Variants in EPHA6 observed in about 807,000 individuals in gnomAD.
EPHA6 encodes the protein ephrin type-A receptor 6.
In EPHA6, 50 loss-of-function variants were observed where a neutral mutation model predicts 112.0. The ratio of observed to expected loss-of-function variants is 0.45; its 90% CI spans 0.36 to 0.56. The LOEUF is 0.56. EPHA6 is among the 20% of genes least tolerant of loss of function. EPHA6 has a pLI of 0.00. For missense variants in EPHA6, 1,280 were observed against 1,417.4 expected, an observed-to-expected ratio of 0.90 and a Z score of 1.56; for synonymous variants, 529 against 490.7, an observed-to-expected ratio of 1.08 and a Z score of -1.03.
At chr3:96,903,326 C>A (rs189823230) in intron 2 of EPHA6, among the ~76,000 whole-genome samples, 3 of 149,464 alleles carry the variant, frequency 2.0e-5, no homozygotes, top group Admixed American at 1.3e-4. Context: ...CATTCTCCTT[C>A]CCCTGCTCTG....
intron 14 of EPHA6, among the ~76,000 whole-genome samples, chr3:97,699,596 G>A (rs1171972000): frequency 6.6e-6 from 1 of 152,184 alleles, no homozygotes; most frequent in Non-Finnish European, 1.5e-5. Flanking sequence ...GTACTTTACT[G>A]CACCGTGTGG....
intron 5 of EPHA6, among the ~76,000 whole-genome samples, chr3:97,315,436 A>G (rs1270468278): frequency 6.6e-6 from 1 of 151,734 alleles, no homozygotes; most frequent in Admixed American, 6.6e-5. Context: ...ACTTTTAAAT[A>G]TCTTCACGGA....
At chr3:96,934,372 G>A (rs2040478946) in intron 2 of EPHA6, among the ~76,000 whole-genome samples, 2 of 151,058 alleles carry the variant, frequency 1.3e-5, no homozygotes, top group Non-Finnish European at 3.0e-5. Context: ...AAATATATTA[G>A]CACATTTGGT....
At chr3:97,525,240 A>G (rs188053140) in intron 10 of EPHA6, among the ~76,000 whole-genome samples, 24 of 152,004 alleles carry the variant, frequency 1.6e-4, no homozygotes, top group Admixed American at 7.2e-4. Context: ...CTTCAAATTC[A>G]CAATTTCTAA....
chr3:97,011,594 A>C (rs2044087235), intron 3 of EPHA6, among the ~76,000 whole-genome samples: 1 of 152,104 alleles, frequency 6.6e-6, no homozygotes, highest in South Asian at 2.1e-4. Context: ...ATTTTGACCA[A>C]TTGCCATGAC....
At chr3:97,026,314 A>T (rs1209037855) in intron 3 of EPHA6, among the ~76,000 whole-genome samples, 1 of 151,962 alleles carries the variant, frequency 6.6e-6, no homozygotes, top group East Asian at 1.9e-4. Flanking sequence ...AAGAATGTTA[A>T]TGATAGTTTA....
At chr3:96,856,639 T>A (rs1446554564) in intron 1 of EPHA6, among the ~76,000 whole-genome samples, 2 of 152,166 alleles carry the variant, frequency 1.3e-5, no homozygotes, top group African/African-American at 4.8e-5. Flanking sequence ...AGAAAATTTA[T>A]CTGTGTTTCT....
chr3:96,882,722 T>TTGTGTGTG (rs1277937134), intron 2 of EPHA6, among the ~76,000 whole-genome samples: 1 of 136,058 alleles, frequency 7.3e-6, no homozygotes, highest in African/African-American at 2.8e-5. Flanking sequence ...TAGTATTCCA[T>TTGTGTGTG]TGTGTGTCTG....
intron 5 of EPHA6, among the ~76,000 whole-genome samples, chr3:97,269,366 T>C (rs1200313414): frequency 6.6e-6 from 1 of 152,154 alleles, no homozygotes; most frequent in Admixed American, 6.6e-5. Flanking sequence ...GATCAAAGTG[T>C]CCCTCCCCTT....
chr3:97,599,229 T>C (rs1365912064), intron 12 of EPHA6, among the ~76,000 whole-genome samples: 2 of 149,980 alleles, frequency 1.3e-5, no homozygotes, highest in Non-Finnish European at 3.0e-5. Flanking sequence ...CTGTTCACTC[T>C]GATGGTAGTT....
At chr3:97,166,391 G>T (rs190928747) in intron 3 of EPHA6, among the ~76,000 whole-genome samples, 1 of 151,440 alleles carries the variant, frequency 6.6e-6, no homozygotes, top group Non-Finnish European at 1.5e-5. Flanking sequence ...AATAACAAAC[G>T]TGTGTATAAT....
chr3:97,107,832 T>A (rs2047612842), intron 3 of EPHA6, among the ~76,000 whole-genome samples: 1 of 152,176 alleles, frequency 6.6e-6, no homozygotes, highest in African/African-American at 2.4e-5. Context: ...TTCCTCATTG[T>A]TTTTCTGCAT....
chr3:97,720,185 A>T (rs1386801066), intron 14 of EPHA6, 76 bp from the exon 15 acceptor site: 1 of 1,305,774 alleles, frequency 7.7e-7, no homozygotes, highest in Non-Finnish European at 1.0e-6. Flanking sequence ...TTCTAATAAA[A>T]AATATTTAAT....
intron 5 of EPHA6, among the ~76,000 whole-genome samples, chr3:97,392,909 A>G (rs1409779996): frequency 6.6e-6 from 1 of 151,782 alleles, no homozygotes; most frequent in African/African-American, 2.4e-5. Context: ...GTTACAAACC[A>G]TATTCAAATA....
chr3:96,820,225 T>C (rs1035081580), intron 1 of EPHA6, among the ~76,000 whole-genome samples: 27 of 152,110 alleles, frequency 1.8e-4, no homozygotes, highest in African/African-American at 6.5e-4. Flanking sequence ...CAGAGTAGAA[T>C]AAGATTCATG....
intron 3 of EPHA6, among the ~76,000 whole-genome samples, chr3:97,020,281 G>T (rs141532821): frequency 6.6e-6 from 1 of 152,302 alleles, no homozygotes; most frequent in Non-Finnish European, 1.5e-5. Flanking sequence ...ATAAATGATA[G>T]AGATGAAAAA....
intron 8 of EPHA6, among the ~76,000 whole-genome samples, chr3:97,476,762 T>C (rs2091379940): frequency 6.6e-6 from 1 of 152,114 alleles, no homozygotes; most frequent in African/African-American, 2.4e-5. Flanking sequence ...GCAGCATGAA[T>C]ATTCTAATGT....
At chr3:97,665,175 A>C (rs537992251) in intron 14 of EPHA6, among the ~76,000 whole-genome samples, 2 of 152,178 alleles carry the variant, frequency 1.3e-5, no homozygotes, top group African/African-American at 2.4e-5. Context: ...CACATCTACA[A>C]CTATCTGATC....
At chr3:97,148,708 A>G (rs1353892279) in intron 3 of EPHA6, among the ~76,000 whole-genome samples, 3 of 152,134 alleles carry the variant, frequency 2.0e-5, no homozygotes, top group East Asian at 1.9e-4. Flanking sequence ...TGAAATCAAT[A>G]GAAATTTAAA....
Sources: allele counts gnomAD v4.1 joint callset (sites outside exome capture counted in the v4.1 genomes callset), GRCh38; gene constraint gnomAD v4.1.1; transcripts MANE v1.5; gene names NCBI Gene and HGNC (gene_info 2026-07-23, HGNC 2026-07-21).